The following ADK variants were observed in gnomAD, a reference collection of about 807,000 sequenced individuals.
The protein encoded by ADK is N6,N6-dimethyladenosine kinase.
ADK carries 24 observed loss-of-function variants against 44.7 expected under a neutral mutation model. The observed-to-expected ratio is 0.54, with a 90% CI of 0.39 to 0.76. The LOEUF is 0.76. ADK is among the 30% of genes least tolerant of loss of function. The pLI, the probability that ADK is intolerant of heterozygous loss-of-function variation, is 0.00. For synonymous variants in ADK, 128 were observed against 142.6 expected (o/e 0.90, Z 0.73); for missense variants, 321 against 425.1 (o/e 0.76, Z 2.15).
chr10:74,568,200 A>G (rs1850765010), intron 7 of ADK, among the ~76,000 whole-genome samples: 2 of 152,246 alleles, frequency 1.3e-5, no homozygotes, highest in South Asian at 2.1e-4. Context: ...TGTACATTTT[A>G]TGTGTGGCCC....
chr10:74,273,597 A>G (rs968744388), intron 3 of ADK, among the ~76,000 whole-genome samples: 1 of 151,960 alleles, frequency 6.6e-6, no homozygotes, highest in African/African-American at 2.4e-5. Flanking sequence ...AGCTGGGATT[A>G]CAGGTGGGTG....
At position 74,255,115 on chromosome 10, in the gene ADK, G is replaced by A. The variant is rs190861924; in HGVS notation, c.194+30524G>A. Among the ~76,000 whole-genome samples the A allele has an allele frequency of 9.2e-5, 14 of 152,298 alleles. No individual in the cohort carries two copies. The East Asian group carries it at 1.9e-3, about 21-fold the overall frequency. ...ATTTTTCTATAGAAAACAATAGTAG[G>A]TTGGGGATATGCAGCCTGTGGTGTA... On this transcript the variant is annotated intron_variant, in intron 3 of 10. Coordinates refer to ENST00000539909, the MANE Select transcript of ADK (RefSeq NM_006721.4).
At chr10:74,530,305 G>A (rs796964896) in intron 7 of ADK, among the ~76,000 whole-genome samples, 8 of 152,018 alleles carry the variant, frequency 5.3e-5, no homozygotes, top group Admixed American at 1.3e-4. Flanking sequence ...GAGAATATAC[G>A]TAGGATTCTT....
At chr10:74,172,332 A>G (rs1271197611) in intron 1 of ADK, among the ~76,000 whole-genome samples, 1 of 151,960 alleles carries the variant, frequency 6.6e-6, no homozygotes, top group Non-Finnish European at 1.5e-5. Context: ...CCTAGGCTCA[A>G]GTGGTCTTCC....
intron 3 of ADK, among the ~76,000 whole-genome samples, chr10:74,261,399 C>A (rs1846034102): frequency 6.6e-6 from 1 of 151,986 alleles, no homozygotes; most frequent in South Asian, 2.1e-4. Context: ...TCTACTTTAC[C>A]AAGGAGTTGT....
intron 3 of ADK, among the ~76,000 whole-genome samples, chr10:74,276,102 T>C (rs536338564): frequency 5.1e-4 from 77 of 152,304 alleles, no homozygotes; most frequent in African/African-American, 1.8e-3. Context: ...AAAGTGAGCA[T>C]AGGATGTATA....
At chr10:74,485,924 T>C (rs181081140) in intron 6 of ADK, among the ~76,000 whole-genome samples, 1 of 152,314 alleles carries the variant, frequency 6.6e-6, no homozygotes, top group African/African-American at 2.4e-5. Context: ...TGAGTGTAAA[T>C]TGACAAACTC....
chr10:74,164,147 C>T (rs1055049838), intron 1 of ADK, among the ~76,000 whole-genome samples: 1 of 152,080 alleles, frequency 6.6e-6, no homozygotes, highest in Non-Finnish European at 1.5e-5. Flanking sequence ...CTTGTTCATC[C>T]AAATGTATTA....
At chr10:74,370,904 T>TA (rs1592113598) in intron 4 of ADK, among the ~76,000 whole-genome samples, 2 of 152,104 alleles carry the variant, frequency 1.3e-5, no homozygotes, top group East Asian at 3.8e-4. Context: ...TATTTTTGAT[T>TA]ATGTAGAATA....
At chr10:74,694,300 G>A (rs1389879556) in intron 10 of ADK, among the ~76,000 whole-genome samples, 6 of 151,344 alleles carry the variant, frequency 4.0e-5, no homozygotes, top group African/African-American at 1.5e-4. Context: ...CCTGTAATCT[G>A]AAAACCTTGG....
At chr10:74,273,083 C>T (rs146535185) in intron 3 of ADK, among the ~76,000 whole-genome samples, 1 of 152,022 alleles carries the variant, frequency 6.6e-6, no homozygotes, top group African/African-American at 2.4e-5. Context: ...GATGTGCAGC[C>T]CTGATCCTCC....
At chr10:74,514,401 T>C (rs1848478842) in intron 6 of ADK, among the ~76,000 whole-genome samples, 1 of 152,166 alleles carries the variant, frequency 6.6e-6, no homozygotes, top group Admixed American at 6.5e-5. Context: ...TCTGGAGATA[T>C]TTATTTGCTT....
intron 4 of ADK, chr10:74,371,471 A>T: frequency 1.5e-6 from 1 of 657,960 alleles, no homozygotes; most frequent in Non-Finnish European, 2.7e-6. Flanking sequence ...CACACTACCC[A>T]CATAGACGTC....
intron 6 of ADK, among the ~76,000 whole-genome samples, chr10:74,439,547 A>C (rs1488111442): frequency 6.6e-6 from 1 of 152,172 alleles, no homozygotes; most frequent in Non-Finnish European, 1.5e-5. Flanking sequence ...TAGTTTTGAC[A>C]CAAAAGAGTT....
chr10:74,641,148 C>A (rs537880052), intron 9 of ADK, among the ~76,000 whole-genome samples: 1 of 152,202 alleles, frequency 6.6e-6, no homozygotes, highest in South Asian at 2.1e-4. Context: ...TGTTCATTTT[C>A]TTTCTCATCA....
At chr10:74,495,874 G>T (rs1314245098) in intron 6 of ADK, among the ~76,000 whole-genome samples, 3 of 152,156 alleles carry the variant, frequency 2.0e-5, no homozygotes, top group Non-Finnish European at 1.5e-5. Context: ...GGTTTGGAGG[G>T]TGAATCAGCT....
At chr10:74,325,546 T>A (rs1840975738) in intron 4 of ADK, among the ~76,000 whole-genome samples, 1 of 152,192 alleles carries the variant, frequency 6.6e-6, no homozygotes, top group Non-Finnish European at 1.5e-5. Flanking sequence ...AAAGTATACA[T>A]CCTTGTCTTG....
chr10:74,592,862 T>C (rs1851769198), intron 8 of ADK, among the ~76,000 whole-genome samples: 1 of 152,194 alleles, frequency 6.6e-6, no homozygotes, highest in Non-Finnish European at 1.5e-5. Flanking sequence ...TTCTTGGCCT[T>C]TTGGCTAAGA....
chr10:74,314,420 A>AT (rs1840548343), intron 3 of ADK, among the ~76,000 whole-genome samples: 1 of 152,200 alleles, frequency 6.6e-6, no homozygotes, highest in African/African-American at 2.4e-5. Flanking sequence ...TGTTTAGTTT[A>AT]ATGGCCAATT....
Sources: gnomAD v4.1 joint callset for allele counts (sites outside exome capture counted in the v4.1 genomes callset) on GRCh38, gnomAD v4.1.1 for gene constraint, MANE v1.5 for transcripts, NCBI Gene and HGNC (gene_info 2026-07-23, HGNC 2026-07-21) for gene names.